The following LARGE1 variants were observed in gnomAD, a reference collection of about 807,000 sequenced individuals.
The protein encoded by LARGE1 is LARGE xylosyl- and glucuronyltransferase 1, also known as xylosyl- and glucuronyltransferase LARGE1.
Under a neutral mutation model 87.6 loss-of-function variants are expected in LARGE1, and 43 were observed. The ratio of observed to expected loss-of-function variants is 0.49; its 90% confidence interval spans 0.38 to 0.63. The LOEUF is 0.63. Among genes scored for constraint, LARGE1 ranks in the 30% least tolerant of loss-of-function variants. The pLI is 0.00. For synonymous variants in LARGE1, 434 were observed against 394.6 expected (o/e 1.10, Z -1.18); for missense variants, 802 against 1,000.2 (o/e 0.80, Z 2.67).
At chr22:33,340,258 C>T (rs1205208455) in intron 9 of LARGE1, among the ~76,000 whole-genome samples, 4 of 151,656 alleles carry the variant, frequency 2.6e-5, no homozygotes, top group Non-Finnish European at 4.4e-5. Context: ...TTCCAGAGTC[C>T]ACCTGCTTAA....
At chr22:33,074,226 G>T in the LARGE1 span, among the ~76,000 whole-genome samples, 1 of 151,968 alleles carries the variant, frequency 6.6e-6, no homozygotes, top group Non-Finnish European at 1.5e-5. Flanking sequence ...TACCGGGACC[G>T]CTTCCCACAT....
chr22:33,475,911 A>C (rs2148152314), intron 6 of LARGE1, among the ~76,000 whole-genome samples: 1 of 152,354 alleles, frequency 6.6e-6, no homozygotes, highest in African/African-American at 2.4e-5. Flanking sequence ...CTGTGAAAGG[A>C]AAATAAATCT....
chr22:33,869,853 A>C (rs2064221971), intron 1 of LARGE1, among the ~76,000 whole-genome samples: 2 of 152,202 alleles, frequency 1.3e-5, no homozygotes, highest in Admixed American at 1.3e-4. Flanking sequence ...CCACCCCACA[A>C]AGGGCCGTCA....
the LARGE1 span, among the ~76,000 whole-genome samples, chr22:33,077,193 C>T: frequency 6.6e-6 from 1 of 152,156 alleles, no homozygotes; most frequent in African/African-American, 2.4e-5. Context: ...ATAGTACATA[C>T]AAGTTACATA....
rs796710420 is a variant in LARGE1, at chr22:33,795,561, G to A, written c.-82-34003C>T. On this transcript the variant is annotated intron_variant, in intron 1 of 14. Coordinates refer to ENST00000397394, the MANE Select transcript of LARGE1 (RefSeq NM_133642.5). ...TGCTGCTATAAAGACACATGCGCAC[G>A]TATGTTTACTGCGGCACTATTCACA... 5.9e-5 allele frequency among the ~76,000 whole-genome samples: 9 copies of A among 151,786 alleles called. No homozygotes were observed. In the East Asian group the frequency reaches 7.7e-4, roughly 13 times the overall value.
the LARGE1 span, among the ~76,000 whole-genome samples, chr22:33,130,807 A>G: frequency 2.6e-5 from 4 of 152,082 alleles, no homozygotes; most frequent in African/African-American, 9.7e-5. Flanking sequence ...GCACTTTGGG[A>G]GGCCGAGGCA....
intron 9 of LARGE1, among the ~76,000 whole-genome samples, chr22:33,375,621 T>C (rs2064966472): frequency 6.6e-6 from 1 of 152,214 alleles, no homozygotes; most frequent in South Asian, 2.1e-4. Context: ...TTCTCAGCCT[T>C]AGAGTAGATG....
chr22:33,396,463 CAGAGAG>C (rs3071529), intron 7 of LARGE1, among the ~76,000 whole-genome samples: 1,657 of 104,698 alleles, frequency 0.016, 21 homozygotes, highest in Admixed American at 0.022. Context: ...GAGAGAGTGA[CAGAGAG>C]AGAGAGAGAG....
At chr22:33,257,257 G>A (rs13058226) in intron 11 of LARGE1, among the ~76,000 whole-genome samples, 3,386 of 152,034 alleles carry the variant, frequency 0.022, 70 homozygotes, top group Non-Finnish European at 0.036. Flanking sequence ...TGAAGGCTGG[G>A]CACTGTGGCT....
chr22:33,414,783 C>T (rs1047806479), intron 7 of LARGE1, among the ~76,000 whole-genome samples: 10 of 152,060 alleles, frequency 6.6e-5, no homozygotes, highest in African/African-American at 2.4e-4. Context: ...GTGCAGTCCT[C>T]AAGAATGGGA....
Position 33,771,309 on chromosome 22 carries a change from C to T in LARGE1, c.-82-9751G>A, listed in dbSNP as rs75911645. Among the ~76,000 whole-genome samples the T allele has an allele frequency of 8.1e-3, 1,239 of 152,074 alleles. 15 individuals carry two copies. The highest frequency in any genetic ancestry group is 0.013 in the Non-Finnish European group (887 of 67,990). ...ACTGCAGTAGCCTGGGAAAATCCAA[C>T]GCTTCAGATGAATGCAACCCTCCTT... On this transcript the variant is annotated intron_variant, in intron 1 of 14. Coordinates refer to ENST00000397394, the MANE Select transcript of LARGE1 (RefSeq NM_133642.5).
intron 2 of LARGE1, among the ~76,000 whole-genome samples, chr22:33,757,575 C>G (rs1020821914): frequency 3.9e-5 from 6 of 152,136 alleles, no homozygotes; most frequent in Non-Finnish European, 7.4e-5. Context: ...GGCGTGTAAT[C>G]CAACTCCAAA....
In LARGE1 at chr22:33,619,667, G is replaced by A. The variant is rs144198059; in HGVS notation, c.491+6577C>T. ...GCTAGATTGCCTGGTTTCCAACTAGGCTCTGCCCATCTTCTCACTGAGACC... is the reference window on the plus strand; with the variant it reads ...GCTAGATTGCCTGGTTTCCAACTAGACTCTGCCCATCTTCTCACTGAGACC... On this transcript the variant is annotated intron_variant, in intron 4 of 14. Transcript: ENST00000397394. Among the ~76,000 whole-genome samples, 634 of 152,164 alleles carry A rather than the reference G, an allele frequency of 4.2e-3. 2 individuals carry two copies. Among genetic ancestry groups the A allele is most frequent in the Admixed American group, 7.5e-3 (115 of 15,282 alleles).
chr22:33,324,356 G>C (rs1388999740), intron 10 of LARGE1, among the ~76,000 whole-genome samples: 1 of 148,452 alleles, frequency 6.7e-6, no homozygotes, highest in Non-Finnish European at 1.5e-5. Context: ...TTTTCACCCA[G>C]GGTTTGGGTA....
intron 6 of LARGE1, among the ~76,000 whole-genome samples, chr22:33,531,975 C>T (rs1237365705): frequency 6.6e-6 from 1 of 152,214 alleles, no homozygotes; most frequent in Non-Finnish European, 1.5e-5. Context: ...CGCCTGAAGC[C>T]TCAGGAGTGC....
chr22:33,625,556 A>G, intron 4 of LARGE1, among the ~76,000 whole-genome samples: 1 of 152,202 alleles, frequency 6.6e-6, no homozygotes, highest in East Asian at 1.9e-4. Flanking sequence ...CCACACCAGA[A>G]TAGAGGAAGC....
At chr22:33,478,888 GA>G (rs1569199714) in intron 6 of LARGE1, among the ~76,000 whole-genome samples, 2 of 152,184 alleles carry the variant, frequency 1.3e-5, no homozygotes, top group African/African-American at 4.8e-5. Context: ...AGATTTCCTA[GA>G]ACATGGATGT....
In LARGE1 at chr22:33,599,121, G is replaced by C. The variant is rs147284098; in HGVS notation, c.615+5314C>G. Among the ~76,000 whole-genome samples, 21 of 152,310 alleles carry C rather than the reference G, an allele frequency of 1.4e-4. No homozygotes were observed. In the East Asian group the frequency reaches 3.9e-3, roughly 28 times the overall value. On this transcript the variant is annotated intron_variant, in intron 5 of 14. Coordinates refer to ENST00000397394, the MANE Select transcript of LARGE1 (RefSeq NM_133642.5). ...GTCCATATCTTTCAAATTCCCTTAA[G>C]ATCTCCACTACATCCATGTCTACTG...
At chr22:33,441,232 C>A (rs755198283) in intron 6 of LARGE1, among the ~76,000 whole-genome samples, 3 of 151,710 alleles carry the variant, frequency 2.0e-5, no homozygotes, top group Non-Finnish European at 2.9e-5. Flanking sequence ...TGCCGCCATG[C>A]CCAGCTAATT....
Sources: gnomAD v4.1 joint callset for allele counts (sites outside exome capture counted in the v4.1 genomes callset) on GRCh38, gnomAD v4.1.1 for gene constraint, MANE v1.5 for transcripts, NCBI Gene and HGNC (gene_info 2026-07-23, HGNC 2026-07-21) for gene names.